ELP4: variants seen among roughly 807,000 people sequenced by gnomAD.
ELP4 encodes elongator complex protein 4.
Under a neutral mutation model 48.9 loss-of-function variants are expected in ELP4, and 51 were observed. That is an observed-to-expected ratio of 1.04 (90% confidence interval 0.83 to 1.32). The LOEUF is 1.32. Ranked by LOEUF, ELP4 falls within the 40% of genes most tolerant of loss-of-function variation. The probability of loss-of-function intolerance (pLI) is 0.00; values close to 1 mark genes in which losing one functional copy is unlikely to be tolerated. For synonymous variants in ELP4, 210 were observed against 189.2 expected, an observed-to-expected ratio of 1.11 and a Z score of -0.90; for missense variants, 519 against 514.6, an observed-to-expected ratio of 1.01 and a Z score of -0.08.
At chr11:31,670,353 T>C (rs1367469231) in intron 9 of ELP4, among the ~76,000 whole-genome samples, 1 of 152,176 alleles carries the variant, frequency 6.6e-6, no homozygotes. Context: ...TATTCATTGT[T>C]CCTAGTCAAT....
At chr11:31,744,465 A>G (rs1947531700) in intron 9 of ELP4, among the ~76,000 whole-genome samples, 1 of 152,260 alleles carries the variant, frequency 6.6e-6, no homozygotes, top group Admixed American at 6.5e-5. Context: ...AATATCCTTG[A>G]TGAACATTGA....
intron 6 of ELP4, among the ~76,000 whole-genome samples, chr11:31,627,989 A>G (rs753335665): frequency 2.6e-5 from 4 of 152,034 alleles, no homozygotes; most frequent in Non-Finnish European, 4.4e-5. Context: ...CTTTATTATT[A>G]TATTTAACAG....
intron 9 of ELP4, among the ~76,000 whole-genome samples, chr11:31,667,781 A>C: frequency 6.6e-6 from 1 of 152,298 alleles, no homozygotes; most frequent in Middle Eastern, 3.4e-3. Flanking sequence ...TATATTCTTT[A>C]TGCCAAAAGC....
chr11:31,530,341 A>G (rs971963504), intron 2 of ELP4, among the ~76,000 whole-genome samples: 3 of 152,190 alleles, frequency 2.0e-5, no homozygotes, highest in Non-Finnish European at 4.4e-5. Context: ...ATCATTTCAT[A>G]TGTACGTAAC....
At chr11:31,701,924 A>G (rs572953573) in intron 9 of ELP4, among the ~76,000 whole-genome samples, 2 of 152,210 alleles carry the variant, frequency 1.3e-5, no homozygotes, top group African/African-American at 4.8e-5. Context: ...TAGTGTTTAT[A>G]TATTATTCCC....
At chr11:31,661,533 G>A (rs546201315) in intron 9 of ELP4, among the ~76,000 whole-genome samples, 8 of 152,078 alleles carry the variant, frequency 5.3e-5, no homozygotes, top group East Asian at 3.9e-4. Flanking sequence ...TGTTATAAAC[G>A]TAGGTATTTT....
At chr11:31,744,531 C>A (rs1008108019) in intron 9 of ELP4, among the ~76,000 whole-genome samples, 14 of 152,144 alleles carry the variant, frequency 9.2e-5, no homozygotes, top group African/African-American at 2.7e-4. Flanking sequence ...CATCAAAAAG[C>A]TTATCCACCA....
intron 3 of ELP4, among the ~76,000 whole-genome samples, chr11:31,570,750 T>G (rs1052164545): frequency 8.7e-5 from 13 of 149,820 alleles, no homozygotes; most frequent in African/African-American, 3.2e-4. Context: ...AGTGCTGGTA[T>G]GAGAGGCGTG....
intron 5 of ELP4, among the ~76,000 whole-genome samples, chr11:31,625,895 GA>G (rs1010769643): frequency 6.6e-6 from 1 of 151,602 alleles, no homozygotes; most frequent in African/African-American, 2.4e-5. Context: ...CCACACTCAT[GA>G]AAAAAAGTGT....
At chr11:31,768,255 A>G (rs1029127488) in intron 9 of ELP4, among the ~76,000 whole-genome samples, 7 of 152,238 alleles carry the variant, frequency 4.6e-5, no homozygotes, top group Admixed American at 1.3e-4. Flanking sequence ...CAAAACACAC[A>G]CAACAGCATT....
intron 9 of ELP4, chr11:31,689,471 AAAG>A (rs1328213095): frequency 6.6e-6 from 1 of 151,876 alleles, no homozygotes; most frequent in Admixed American, 6.6e-5. Context: ...AGAAAGAAAG[AAAG>A]AAGAATGAAA....
chr11:31,625,382 A>G (rs1025447486), intron 5 of ELP4, among the ~76,000 whole-genome samples: 19 of 151,970 alleles, frequency 1.3e-4, no homozygotes, highest in African/African-American at 4.6e-4. Context: ...CGTTATTCAC[A>G]ATAATCAACA....
intron 9 of ELP4, among the ~76,000 whole-genome samples, chr11:31,678,201 C>G (rs890383455): frequency 1.3e-5 from 2 of 152,034 alleles, no homozygotes; most frequent in Non-Finnish European, 2.9e-5. Flanking sequence ...AATCCCAGCA[C>G]TTTGGGAGGC....
chr11:31,693,083 G>A (rs565367520), intron 9 of ELP4, among the ~76,000 whole-genome samples: 1 of 152,280 alleles, frequency 6.6e-6, no homozygotes, highest in South Asian at 2.1e-4. Context: ...AGGGAAGGAA[G>A]CAAGGGACGT....
rs1273969330 is a variant in ELP4, at chr11:31,789,611, G to C, written c.*6087G>C. On this transcript the variant is annotated 3_prime_UTR_variant, in exon 10 of 10. Coordinates refer to ENST00000640961, the MANE Select transcript of ELP4 (RefSeq NM_019040.5). ...AAAAAACAACTTCATGACCAACACA[G>C]ATCAAACATCCATCCAGTCTACATT... is the stretch of plus-strand genomic sequence containing the variant. 3.1e-6 allele frequency: 2 copies of C among 651,100 alleles called. No individual in the cohort carries two copies. Among genetic ancestry groups the C allele is most frequent in the Non-Finnish European group, 2.7e-6 (1 of 365,064 alleles). 40.3% of individuals were successfully genotyped at this position (651,100 alleles called of 1,614,324 possible).
intron 2 of ELP4, among the ~76,000 whole-genome samples, chr11:31,528,398 G>A (rs754738701): frequency 2.6e-5 from 4 of 152,040 alleles, no homozygotes; most frequent in Non-Finnish European, 4.4e-5. Context: ...TGAAGTAATG[G>A]AAACTCCTCA....
chr11:31,607,569 C>G (rs1179446835), intron 5 of ELP4, among the ~76,000 whole-genome samples: 1 of 152,172 alleles, frequency 6.6e-6, no homozygotes, highest in African/African-American at 2.4e-5. Flanking sequence ...ACATAATCAC[C>G]TCTTAAAGGC....
intron 9 of ELP4, chr11:31,714,757 G>A (rs1167464507): frequency 1.0e-5 from 4 of 398,324 alleles, no homozygotes; most frequent in Non-Finnish European, 1.3e-5. Flanking sequence ...TTCTTCCTCC[G>A]TTTTCAAAGC....
chr11:31,653,749 C>G (rs926656059), intron 9 of ELP4: 1 of 151,648 alleles, frequency 6.6e-6, no homozygotes, highest in South Asian at 2.1e-4. Context: ...TCAAGTGACC[C>G]GTACACACTG....
Sources: gnomAD v4.1 joint callset for allele counts (sites outside exome capture counted in the v4.1 genomes callset) on GRCh38, gnomAD v4.1.1 for gene constraint, MANE v1.5 for transcripts, NCBI Gene and HGNC (gene_info 2026-07-23, HGNC 2026-07-21) for gene names.